Variants in UBAC1 observed in about 807,000 individuals in gnomAD.
UBAC1 encodes ubiquitin-associated domain-containing protein 1.
UBAC1 carries 27 observed loss-of-function variants against 45.9 expected under a neutral mutation model. The observed-to-expected ratio is 0.59, with a 90% CI of 0.43 to 0.81. UBAC1 has a LOEUF of 0.81. UBAC1 is among the 30% of genes least tolerant of loss of function. UBAC1 has a pLI of 0.00. For synonymous variants in UBAC1, 227 were observed against 215.5 expected, an observed-to-expected ratio of 1.05 and a Z score of -0.47; for missense variants, 529 against 539.2, an observed-to-expected ratio of 0.98 and a Z score of 0.19.
intron 3 of UBAC1, among the ~76,000 whole-genome samples, chr9:135,948,251 C>A (rs1166294043): frequency 6.6e-6 from 1 of 152,226 alleles, no homozygotes; most frequent in Non-Finnish European, 1.5e-5. Context: ...AGCCCCGAGG[C>A]CAAAACCACG....
chr9:135,954,686 G>C, intron 2 of UBAC1, among the ~76,000 whole-genome samples: 1 of 152,326 alleles, frequency 6.6e-6, no homozygotes, highest in South Asian at 2.1e-4. Context: ...TGTGAGGGTG[G>C]AGAGTTTAGT....
At position 135,961,241 on chromosome 9, in the gene UBAC1, G is replaced by C; in HGVS notation, c.-79C>G. On this transcript the variant is annotated 5_prime_UTR_variant, in exon 1 of 10. Coordinates refer to ENST00000371756, the MANE Select transcript of UBAC1 (RefSeq NM_016172.3). ...GGGAAGGCGGGCGGGGAGGGGGCGG[G>C]GCCAGACCGCCCGCGCGCTCCTTCG... 1 of 1,279,046 alleles carries C rather than the reference G, an allele frequency of 7.8e-7. No individual in the cohort carries two copies. Among genetic ancestry groups the C allele is most frequent in the Non-Finnish European group, 9.9e-7 (1 of 1,007,450 alleles). 79.2% of individuals were successfully genotyped at this position (1,279,046 alleles called of 1,614,324 possible). A position where few individuals can be genotyped will look rare whatever the true frequency, so the allele number is the denominator to read the frequency against.
chr9:135,961,106 G>A lies in UBAC1; in HGVS notation c.57C>T (p.Cys19=), dbSNP rs761056870. The A allele has an allele frequency of 6.9e-6, 11 of 1,590,602 alleles. No individual in the cohort carries two copies. Among genetic ancestry groups the A allele is most frequent in the Non-Finnish European group, 9.4e-6 (11 of 1,173,454 alleles). The part of the protein sequence containing the change: ...FAGKVLRLHI[C]ASDGAEWLEE... ...CCAGCCACTCGGCGCCGTCGGACGCGCAGATGTGCAGCCGCAGCACCTTGC... is the reference window on the plus strand; with the variant it reads ...CCAGCCACTCGGCGCCGTCGGACGCACAGATGTGCAGCCGCAGCACCTTGC... The change falls in exon 1 of 10, where the codon TGC becomes TGT. Residue 19 remains cysteine, a synonymous_variant. Coordinates refer to ENST00000371756, the MANE Select transcript of UBAC1 (RefSeq NM_016172.3).
At chr9:135,960,410 C>T (rs1365326174) in intron 1 of UBAC1, among the ~76,000 whole-genome samples, 4 of 152,186 alleles carry the variant, frequency 2.6e-5, no homozygotes, top group Non-Finnish European at 5.9e-5. Flanking sequence ...AAAGCAGGGG[C>T]GCAGGGCCTT....
At chr9:135,941,514 A>G (rs577532892) in intron 7 of UBAC1, among the ~76,000 whole-genome samples, 2 of 152,358 alleles carry the variant, frequency 1.3e-5, no homozygotes, top group African/African-American at 4.8e-5. Flanking sequence ...AACCCACCGC[A>G]CAATATTTTG....
intron 9 of UBAC1, among the ~76,000 whole-genome samples, chr9:135,934,326 C>T (rs1256695429): frequency 6.6e-6 from 1 of 152,184 alleles, no homozygotes; most frequent in Non-Finnish European, 1.5e-5. Flanking sequence ...TTAAAACAAT[C>T]CTCTGGTGTT....
rs1270896698 is a variant in UBAC1, at chr9:135,933,479, G to GTGC, written c.1136_1138dup (p.Ser379dup). On this transcript the variant is annotated inframe_insertion, in exon 10 of 10. Transcript: ENST00000371756. ...CGTTTCTGGATCATTCATCCACTGG[G>GTGC]TGCTGTTCAGTGGGTTCTCCAGCAT... 6 of 1,613,956 alleles carry GTGC rather than the reference G, an allele frequency of 3.7e-6. No homozygotes were observed. The highest frequency in any genetic ancestry group is 5.1e-6 in the Non-Finnish European group (6 of 1,180,028).
At chr9:135,957,037 A>T (rs1839475340) in intron 1 of UBAC1, among the ~76,000 whole-genome samples, 1 of 152,228 alleles carries the variant, frequency 6.6e-6, no homozygotes, top group South Asian at 2.1e-4. Context: ...GCTGCCACAG[A>T]GGCTCTGAAA....
intron 3 of UBAC1, among the ~76,000 whole-genome samples, 170 bp downstream of exon 3, chr9:135,953,510 G>A (rs1368618748): frequency 1.3e-5 from 2 of 151,818 alleles, no homozygotes; most frequent in Non-Finnish European, 1.5e-5. Flanking sequence ...AGTAGAGCCG[G>A]GGTTTCACCA....
intron 1 of UBAC1, among the ~76,000 whole-genome samples, chr9:135,959,975 T>C (rs2131097573): frequency 6.6e-6 from 1 of 152,220 alleles, no homozygotes; most frequent in East Asian, 1.9e-4. Context: ...GTTCCAGAAC[T>C]CCACAGAACC....
intron 9 of UBAC1, 27 bp downstream of exon 9, chr9:135,938,195 G>C: frequency 6.2e-7 from 1 of 1,610,992 alleles, no homozygotes; most frequent in Middle Eastern, 1.7e-4. Flanking sequence ...CCCGACCCGA[G>C]ACTTAGCATA....
intron 7 of UBAC1, among the ~76,000 whole-genome samples, chr9:135,940,523 T>A (rs190414073): frequency 0.02 from 2,889 of 145,170 alleles, 39 homozygotes; most frequent in Non-Finnish European, 0.024. Context: ...GAGCTTGCAG[T>A]GAGCCAAGAT....
intron 7 of UBAC1, chr9:135,942,404 C>T (rs1438274359): frequency 6.6e-6 from 1 of 152,210 alleles, no homozygotes; most frequent in African/African-American, 2.4e-5. Context: ...AATTCCAGCG[C>T]TTTGGGAGGC....
rs148081438 is a variant in UBAC1, at chr9:135,943,635, T to G, written c.876+1393A>C. Among the ~76,000 whole-genome samples, 79 of 152,336 alleles carry G rather than the reference T, an allele frequency of 5.2e-4. No homozygotes were observed. In the East Asian group the frequency reaches 0.015, roughly 29 times the overall value. On this transcript the variant is annotated intron_variant, in intron 7 of 9. Transcript: ENST00000371756. ...ATACCCAAAGGAATAGAAATCATTC[T>G]GTTATAAAGATATGTGCACACGTAT... is the stretch of plus-strand genomic sequence containing the variant.
rs1839454223 is a variant in UBAC1 at position 135,955,328 on chromosome 9, T to C, written c.226A>G (p.Arg76Gly). Reference protein sequence around the residue: ...AASERVLSDARTILEENIQDQ... With the variant: ...AASERVLSDAGTILEENIQDQ... The stretch of plus-strand genomic sequence containing the variant: ...TGGATGTTCTCTTCCAGGATGGTCC[T>C]GGCATCACTCAGCACCCTCTCTGAG... Residue 76 changes from arginine (R) to glycine (G), a missense_variant, in exon 2 of 10, where the codon AGG becomes GGG. Arg to Gly is a moderately radical substitution (Grantham distance 125). Transcript: ENST00000371756. The C allele has an allele frequency of 6.2e-7, 1 of 1,604,428 alleles. No homozygotes were observed. Among genetic ancestry groups the C allele is most frequent in the South Asian group, 1.1e-5 (1 of 89,098 alleles).
At chr9:135,937,626 A>T (rs10745378) in intron 9 of UBAC1, among the ~76,000 whole-genome samples, 1 of 151,970 alleles carries the variant, frequency 6.6e-6, no homozygotes, top group African/African-American at 2.4e-5. Flanking sequence ...GAGATTGTTT[A>T]AGGAGACACA....
chr9:135,945,581 A>G (rs1164338564), intron 6 of UBAC1: 6 of 523,526 alleles, frequency 1.1e-5, no homozygotes, highest in Non-Finnish European at 1.7e-5. Flanking sequence ...AGATCTGAAC[A>G]CAGAAGCAGG....
Position 135,947,909 on chromosome 9 carries a change from C to T in UBAC1, c.334-4G>A. On this transcript the variant is annotated splice_polypyrimidine_tract_variant and splice_region_variant and intron_variant, in intron 3 of 9. Coordinates refer to ENST00000371756, the MANE Select transcript of UBAC1 (RefSeq NM_016172.3). ...GAGCTTTCTGGTCTTGTTTTTTCTACACAGAAACGTAATCAGAAAGTCTGA... is the reference window on the plus strand; with the variant it reads ...GAGCTTTCTGGTCTTGTTTTTTCTATACAGAAACGTAATCAGAAAGTCTGA... 1.2e-6 allele frequency: 2 copies of T among 1,612,888 alleles called. No homozygotes were observed. Among genetic ancestry groups the T allele is most frequent in the Non-Finnish European group, 1.7e-6 (2 of 1,179,440 alleles).
At position 135,953,682 on chromosome 9, in the gene UBAC1, T is replaced by G. The variant is rs1839432877; in HGVS notation, c.331A>C (p.Lys111Gln). 2.5e-6 allele frequency: 4 copies of G among 1,613,280 alleles called. No individual in the cohort carries two copies. The highest frequency in any genetic ancestry group is 2.2e-5 in the East Asian group (1 of 44,836). The change falls in exon 3 of 10, where the codon AAG becomes CAG. Residue 111 changes from lysine to glutamine, a missense_variant and splice_region_variant. Coordinates refer to ENST00000371756, the MANE Select transcript of UBAC1 (RefSeq NM_016172.3). Reference protein sequence around the residue: ...PKMADVSAEEKKKQDQKAPDK... With the variant: ...PKMADVSAEEQKKQDQKAPDK... ...CAATTGCAAACTTTGAAATTTACCT[T>G]TTCTTCTGCTGAGACATCAGCCATC... is the stretch of plus-strand genomic sequence containing the variant.
Sources: allele counts gnomAD v4.1 joint callset (sites outside exome capture counted in the v4.1 genomes callset), GRCh38; gene constraint gnomAD v4.1.1; transcripts MANE v1.5; gene names NCBI Gene and HGNC (gene_info 2026-07-23, HGNC 2026-07-21).